Variants in FAM135A observed in about 807,000 individuals in gnomAD.
The protein encoded by FAM135A is family with sequence similarity 135 member A.
FAM135A carries 79 observed loss-of-function variants against 146.8 expected under a neutral mutation model. The ratio of observed to expected loss-of-function variants is 0.54; its 90% CI spans 0.45 to 0.65. The LOEUF is 0.65. Ranked by LOEUF, FAM135A falls within the 30% of genes least tolerant of loss-of-function variation. FAM135A has a pLI of 0.00. For missense variants in FAM135A, 1,623 were observed against 1,758.2 expected (o/e 0.92, Z 1.38); for synonymous variants, 562 against 603.6 (o/e 0.93, Z 1.01).
At chr6:70,485,867 C>T (rs1010601169) in intron 10 of FAM135A, among the ~76,000 whole-genome samples, 6 of 149,588 alleles carry the variant, frequency 4.0e-5, no homozygotes, top group Non-Finnish European at 7.4e-5. Flanking sequence ...CTATATGAAC[C>T]CCAATATCTA....
At chr6:70,510,553 A>T (rs1017182864) in intron 12 of FAM135A, among the ~76,000 whole-genome samples, 1 of 152,070 alleles carries the variant, frequency 6.6e-6, no homozygotes, top group African/African-American at 2.4e-5. Context: ...GGTTTCTTTC[A>T]CTTAGAATAA....
intron 4 of FAM135A, among the ~76,000 whole-genome samples, chr6:70,434,915 A>T (rs941528276): frequency 3.9e-5 from 6 of 152,066 alleles, no homozygotes; most frequent in African/African-American, 1.4e-4. Context: ...ACTGTAGAAC[A>T]GTTAATTGAA....
chr6:70,438,623 T>G (rs935407751), intron 4 of FAM135A, among the ~76,000 whole-genome samples: 2 of 152,094 alleles, frequency 1.3e-5, no homozygotes, highest in Admixed American at 6.6e-5. Flanking sequence ...GGCCCAAGAG[T>G]GCAAGAGTAC....
chr6:70,430,586 A>G (rs540819133), intron 4 of FAM135A, among the ~76,000 whole-genome samples: 3 of 152,340 alleles, frequency 2.0e-5, no homozygotes, highest in South Asian at 4.1e-4. Flanking sequence ...TCTAGATAGC[A>G]TATCTACCAA....
intron 8 of FAM135A, among the ~76,000 whole-genome samples, chr6:70,480,473 A>G (rs1783486350): frequency 1.3e-5 from 2 of 152,098 alleles, no homozygotes; most frequent in Admixed American, 1.3e-4. Flanking sequence ...AGATTTAGTA[A>G]TTTTTCTTTT....
intron 10 of FAM135A, among the ~76,000 whole-genome samples, chr6:70,486,650 C>T (rs1364809273): frequency 7.9e-5 from 12 of 152,060 alleles, no homozygotes; most frequent in Admixed American, 5.2e-4. Context: ...TAAACCAGGC[C>T]GGGTGCGGTG....
At chr6:70,440,539 T>C in intron 4 of FAM135A, among the ~76,000 whole-genome samples, 1 of 151,998 alleles carries the variant, frequency 6.6e-6, no homozygotes, top group South Asian at 2.1e-4. Flanking sequence ...ATACAAAAAA[T>C]TAGCTGGGCA....
chr6:70,492,288 A>G (rs1273487007), intron 11 of FAM135A, among the ~76,000 whole-genome samples: 1 of 151,798 alleles, frequency 6.6e-6, no homozygotes, highest in Admixed American at 6.6e-5. Context: ...GTCTATAAAT[A>G]TTGTGGTAAA....
intron 5 of FAM135A, among the ~76,000 whole-genome samples, chr6:70,470,861 G>A (rs1247361745): frequency 1.3e-5 from 2 of 152,176 alleles, no homozygotes; most frequent in African/African-American, 4.8e-5. Flanking sequence ...AGAGAAATAG[G>A]GAGTTTGTCT....
At chr6:70,486,167 C>T (rs1339086807) in intron 10 of FAM135A, 1 of 1,613,486 alleles carries the variant, frequency 6.2e-7, no homozygotes, top group Admixed American at 1.7e-5. Flanking sequence ...TTATGACTAG[C>T]CAAGGCCAAC....
At position 70,525,584 on chromosome 6, in the gene FAM135A, C is replaced by G. The variant is rs1346494878; in HGVS notation, c.2500C>G (p.Gln834Glu). The G allele has an allele frequency of 1.2e-6, 2 of 1,613,446 alleles. No homozygotes were observed. Among genetic ancestry groups the G allele is most frequent in the African/African-American group, 1.3e-5 (1 of 74,906 alleles). Reference sequence around the variant, plus strand: ...GAGTACAAGTGCTATAAGTGAAATACAGTCATCTTTGACATCCATAAACTC... The same window carrying G: ...GAGTACAAGTGCTATAAGTGAAATAGAGTCATCTTTGACATCCATAAACTC... ...TESTSAISEI[Q>E]SSLTSINSLP... The change falls in exon 15 of 22, where the codon CAG (glutamine) becomes GAG (glutamate). Residue 834 changes from glutamine to glutamate, a missense_variant. Coordinates refer to ENST00000418814, the MANE Select transcript of FAM135A (RefSeq NM_001162529.3).
chr6:70,428,354 T>TGAG lies in FAM135A; in HGVS notation c.12_13insGAG (p.Val4_Gln5insGlu). 6.3e-7 allele frequency: 1 copy of TGAG among 1,599,932 alleles called. No individual in the cohort carries two copies. Among genetic ancestry groups the TGAG allele is most frequent in the Non-Finnish European group, 8.5e-7 (1 of 1,173,552 alleles). On this transcript the variant is annotated inframe_insertion, in exon 4 of 22. Coordinates refer to ENST00000418814, the MANE Select transcript of FAM135A (RefSeq NM_001162529.3). ...GGTATAAATTAAAAATGACTGAAGTTCAAGCAATGGTAGAATTCTCTGTGG... is the reference window on the plus strand; with the variant it reads ...GGTATAAATTAAAAATGACTGAAGTTGAGCAAGCAATGGTAGAATTCTCTGTGG...
At position 70,480,864 on chromosome 6, in the gene FAM135A, T is replaced by A. The variant is rs1783563450; in HGVS notation, c.543-37T>A. 5 of 1,576,444 alleles carry A rather than the reference T, an allele frequency of 3.2e-6. No individual in the cohort carries two copies. In the African/African-American group the frequency reaches 5.5e-5, roughly 17 times the overall value. The stretch of plus-strand genomic sequence containing the variant: ...ATATTTAACTTACATTCAAATAGAC[T>A]CGTATGACAATAATAATGTAATACT... On this transcript the variant is annotated intron_variant, in intron 8 of 21. Transcript: ENST00000418814.
chr6:70,529,024 AT>A (rs112288799), intron 16 of FAM135A, among the ~76,000 whole-genome samples: 43 of 145,682 alleles, frequency 3.0e-4, no homozygotes, highest in Middle Eastern at 3.5e-3. Context: ...AGCTCAGTGG[AT>A]TTTTTTTTTT....
In FAM135A at chr6:70,525,124, A is replaced by T; in HGVS notation, c.2040A>T (p.Thr680=). ...TAACTGTCAAACTAGGACCTTGGAC[A>T]GAGCTTCGACAAGAGGAAATACTTG... The part of the protein sequence containing the change: ...ENITVKLGPW[T]ELRQEEILVD... The change falls in exon 15 of 22, where the codon ACA becomes ACT. Residue 680 remains threonine, a synonymous_variant. Coordinates refer to ENST00000418814, the MANE Select transcript of FAM135A (RefSeq NM_001162529.3). The T allele has an allele frequency of 6.4e-7, 1 of 1,566,116 alleles. No individual in the cohort carries two copies. Among genetic ancestry groups the T allele is most frequent in the East Asian group, 2.2e-5 (1 of 44,680 alleles).
intron 4 of FAM135A, among the ~76,000 whole-genome samples, chr6:70,439,663 C>G (rs906540063): frequency 6.6e-6 from 1 of 152,112 alleles, no homozygotes; most frequent in East Asian, 1.9e-4. Flanking sequence ...TATGTCCGCT[C>G]TTCATTTGCT....
chr6:70,474,915 G>A (rs914603568), intron 5 of FAM135A, among the ~76,000 whole-genome samples: 2 of 152,136 alleles, frequency 1.3e-5, no homozygotes, highest in African/African-American at 2.4e-5. Context: ...GCTGGTCTTA[G>A]TGATGTGGCC....
At chr6:70,428,441 T>G (rs776546985) in intron 4 of FAM135A, 22 bp downstream of exon 4, 1 of 1,530,030 alleles carries the variant, frequency 6.5e-7, no homozygotes, top group Non-Finnish European at 8.9e-7. Flanking sequence ...ATTGTGAAAA[T>G]GATATATTTT....
Position 70,536,342 on chromosome 6 carries a change from C to T in FAM135A, c.4048C>T (p.His1350Tyr). Reference protein sequence around the residue: ...PRFKYYLNKLHTFLSLSGPHL... With the variant: ...PRFKYYLNKLYTFLSLSGPHL... The stretch of plus-strand genomic sequence containing the variant: ...GTTTAAATATTACCTCAACAAACTT[C>T]ATACCTTTCTGTCTCTTTCTGGACC... The change falls in exon 19 of 22, where the codon CAT becomes TAT. Residue 1350 changes from histidine to tyrosine, a missense_variant. By Grantham distance (83) the His-to-Tyr change is moderately conservative (BLOSUM62 2). This residue lies in a region of FAM135A where 1,061 missense variants were observed against 1,113.8 expected (regional missense o/e 0.95). Coordinates refer to ENST00000418814, the MANE Select transcript of FAM135A (RefSeq NM_001162529.3). 1 of 1,613,486 alleles carries T rather than the reference C, an allele frequency of 6.2e-7. No individual in the cohort carries two copies. The highest frequency in any genetic ancestry group is 1.1e-5 in the South Asian group (1 of 91,042).
Sources: gnomAD v4.1 joint callset for allele counts (sites outside exome capture counted in the v4.1 genomes callset) on GRCh38, gnomAD v4.1.1 for gene constraint, gnomAD v4.1.1 regional missense constraint, MANE v1.5 for transcripts, NCBI Gene and HGNC (gene_info 2026-07-23, HGNC 2026-07-21) for gene names.